The following FAM153A variants were observed in gnomAD, a reference collection of about 807,000 sequenced individuals.
FAM153A encodes family with sequence similarity 153 member A.
Under a neutral mutation model 48.1 loss-of-function variants are expected in FAM153A, and 12 were observed. The observed-to-expected ratio is 0.25, with a 90% CI of 0.16 to 0.40. The LOEUF (loss-of-function observed/expected upper bound fraction) is 0.40. Among genes scored for constraint, FAM153A ranks in the 10% least tolerant of loss-of-function variants. FAM153A has a pLI of 1.00. For synonymous variants in FAM153A, 36 were observed against 118.2 expected, an observed-to-expected ratio of 0.30 and a Z score of 4.51; for missense variants, 111 against 345.8, an observed-to-expected ratio of 0.32 and a Z score of 5.38.
At chr5:177,774,055 ATGC>A (rs1769285087) in intron 1 of FAM153A, among the ~76,000 whole-genome samples, 2 of 104,844 alleles carry the variant, frequency 1.9e-5, no homozygotes, top group African/African-American at 7.6e-5. Flanking sequence ...AGACAAGCAA[ATGC>A]TGAGAGATTT....
the FAM153A span, among the ~76,000 whole-genome samples, chr5:177,697,403 T>C: frequency 6.6e-6 from 1 of 151,622 alleles, no homozygotes; most frequent in African/African-American, 2.4e-5. Flanking sequence ...GCCCCTTTGC[T>C]CTGATCCCGA....
At chr5:177,753,254 T>A (rs1767285649), upstream of FAM153A, 1 of 1,565,742 alleles carries the variant, frequency 6.4e-7, no homozygotes, top group African/African-American at 1.4e-5. Context: ...CAACGTTCAG[T>A]TGCCAGAATG....
At chr5:177,696,557 T>C in the FAM153A span, among the ~76,000 whole-genome samples, 913 of 151,710 alleles carry the variant, frequency 6.0e-3, 8 homozygotes, top group Non-Finnish European at 6.3e-3. Flanking sequence ...TTTGAATTTT[T>C]CTGGCAGCTT....
intron 1 of FAM153A, among the ~76,000 whole-genome samples, chr5:177,778,406 GA>G (rs371661583): frequency 0.018 from 1,420 of 78,036 alleles, 455 homozygotes; most frequent in African/African-American, 0.06. Context: ...AATGTTTCTA[GA>G]AAAAAAAAAA....
intron 18 of FAM153A, among the ~76,000 whole-genome samples, chr5:177,727,057 A>C (rs2127604542): frequency 6.6e-6 from 1 of 151,834 alleles, no homozygotes; most frequent in South Asian, 2.1e-4. Flanking sequence ...CACATATGCC[A>C]CTGAGGACCA....
At chr5:177,712,755 C>T (rs955462759) in exon 27 of FAM153A, 5 of 151,650 alleles carry the variant, frequency 3.3e-5, no homozygotes, top group Non-Finnish European at 7.4e-5. Flanking sequence ...GCTCCTGTGT[C>T]GTGGTGCACG....
downstream of FAM153A, chr5:177,717,327 CATTTAA>C (rs1391203309): frequency 7.0e-6 from 1 of 142,690 alleles, no homozygotes; most frequent in African/African-American, 2.7e-5. Context: ...CTGTATTAAT[CATTTAA>C]ATTAAAATTA....
intron 4 of FAM153A, among the ~76,000 whole-genome samples, chr5:177,745,868 T>C (rs1402311204): frequency 6.6e-6 from 1 of 151,812 alleles, no homozygotes; most frequent in Non-Finnish European, 1.5e-5. Context: ...TTTACATTAA[T>C]GATCACACTA....
In FAM153A at chr5:177,770,908, T is replaced by C. The variant is rs571490325; in HGVS notation, c.-57+9541A>G. Among the ~76,000 whole-genome samples the C allele has an allele frequency of 1.0e-4, 10 of 98,874 alleles. 3 individuals carry two copies. Among genetic ancestry groups the C allele is most frequent in the Non-Finnish European group, 2.1e-4 (10 of 47,330 alleles). The allele number at this position is 98,874 out of a possible 152,430, so 64.9% of individuals were successfully genotyped here. On this transcript the variant is annotated intron_variant, in intron 1 of 8. Coordinates refer to the FAM153A transcript ENST00000393518. ...TTTTGCTGTGAACCTAAAACTGCTA[T>C]AAGAAATAGAGTTATTGATTTAAAA...
downstream of FAM153A, among the ~76,000 whole-genome samples, chr5:177,704,220 T>A (rs1244601090): frequency 1.6e-5 from 1 of 63,808 alleles, no homozygotes; most frequent in African/African-American, 9.1e-5. Context: ...TTTCTCTGTT[T>A]GAGGTAGGGC....
At chr5:177,716,500 G>T (rs1759819021) in intron 24 of FAM153A, 1 of 151,742 alleles carries the variant, frequency 6.6e-6, no homozygotes. Flanking sequence ...CATGAAGGGG[G>T]TTGTCTGCTT....
chr5:177,716,550 G>C (rs1759833371), intron 24 of FAM153A: 1 of 151,752 alleles, frequency 6.6e-6, no homozygotes, highest in Non-Finnish European at 1.5e-5. Context: ...TCAGCGAGAA[G>C]GTGCCTGACA....
chr5:177,754,068 A>T (rs1767400947), upstream of FAM153A, among the ~76,000 whole-genome samples: 1 of 151,902 alleles, frequency 6.6e-6, no homozygotes, highest in Non-Finnish European at 1.5e-5. Flanking sequence ...GCAAAGGGTC[A>T]GGGAATTCCC....
At chr5:177,702,024 C>G in the FAM153A span, among the ~76,000 whole-genome samples, 1 of 151,586 alleles carries the variant, frequency 6.6e-6, no homozygotes, top group Non-Finnish European at 1.5e-5. Context: ...TCTCCTGCCT[C>G]AGCCTCCCGA....
At chr5:177,728,813 C>T (rs1169833790) in intron 18 of FAM153A, among the ~76,000 whole-genome samples, 5 of 149,114 alleles carry the variant, frequency 3.4e-5, no homozygotes, top group Admixed American at 6.7e-5. Context: ...CTGATCCGCC[C>T]GTCTCCGCCT....
At chr5:177,764,503 C>G (rs1024831223) in intron 1 of FAM153A, among the ~76,000 whole-genome samples, 1 of 137,222 alleles carries the variant, frequency 7.3e-6, no homozygotes, top group Non-Finnish European at 1.6e-5. Context: ...CTGCGCTAGC[C>G]CCAGTGAGGG....
chr5:177,741,585 T>C lies in FAM153A; in HGVS notation c.365-253A>G, dbSNP rs1305635703. On this transcript the variant is annotated intron_variant, in intron 6 of 20. Coordinates refer to ENST00000614127, the Ensembl canonical transcript of FAM153A. ...ATGGCAGTGTCTCATCATTCCCCTA[T>C]GCGTTTTGAGGCCTGGGAAATTTCC... is the stretch of plus-strand genomic sequence containing the variant. Among the ~76,000 whole-genome samples, 2 of 91,986 alleles carry C rather than the reference T, an allele frequency of 2.2e-5. 1 individual carries two copies. Among genetic ancestry groups the C allele is most frequent in the Non-Finnish European group, 4.7e-5 (2 of 42,964 alleles). 60.3% of individuals were successfully genotyped at this position (91,986 alleles called of 152,430 possible).
downstream of FAM153A, among the ~76,000 whole-genome samples, chr5:177,709,513 C>T (rs1243499905): frequency 1.3e-5 from 2 of 150,532 alleles, no homozygotes; most frequent in East Asian, 3.9e-4. Flanking sequence ...AGGCGCCCGC[C>T]ACTACACCCA....
chr5:177,705,272 C>T (rs1426374431), downstream of FAM153A, among the ~76,000 whole-genome samples: 11 of 151,654 alleles, frequency 7.3e-5, no homozygotes, highest in African/African-American at 1.7e-4. Context: ...CCACTATACT[C>T]CAGCCAGAGT....
Sources: gnomAD v4.1 joint callset for allele counts (sites outside exome capture counted in the v4.1 genomes callset) on GRCh38, gnomAD v4.1.1 for gene constraint, MANE v1.5 for transcripts, NCBI Gene and HGNC (gene_info 2026-07-23, HGNC 2026-07-21) for gene names.